Variants in METTL21A observed in about 807,000 individuals in gnomAD.
METTL21A encodes methyltransferase 21A, HSPA lysine, also known as protein N-lysine methyltransferase METTL21A.
Under a neutral mutation model 20.9 loss-of-function variants are expected in METTL21A, and 22 were observed. The ratio of observed to expected loss-of-function variants is 1.05; its 90% confidence interval spans 0.75 to 1.50. METTL21A has a LOEUF of 1.50. METTL21A is among the 40% of genes most tolerant of loss of function. The pLI is 0.00. For missense variants in METTL21A, 271 were observed against 266.8 expected (o/e 1.02, Z -0.11); for synonymous variants, 93 against 102.0 (o/e 0.91, Z 0.53).
At chr2:207,581,840 A>G (rs1239273342) in exon 4 of METTL21A, 1 of 702,734 alleles carries the variant, frequency 1.4e-6, no homozygotes, top group Non-Finnish European at 2.6e-6. Flanking sequence ...AGTCTCCTTC[A>G]GTCTGTGAAA....
At chr2:207,603,431 C>G in intron 3 of METTL21A, 1 of 224,792 alleles carries the variant, frequency 4.4e-6, no homozygotes, top group East Asian at 6.5e-5. Flanking sequence ...TTTAAAAACT[C>G]TGTAAGTCTC....
intron 3 of METTL21A, 56 bp downstream of exon 3, chr2:207,621,750 G>T: frequency 6.9e-7 from 1 of 1,457,310 alleles, no homozygotes; most frequent in South Asian, 1.1e-5. Flanking sequence ...TAAGAAAACA[G>T]CAAATGCACC....
chr2:207,623,433 G>C (rs2090736667), intron 2 of METTL21A, among the ~76,000 whole-genome samples: 1 of 152,214 alleles, frequency 6.6e-6, no homozygotes, highest in South Asian at 2.1e-4. Context: ...AGTCAGAACA[G>C]GGCAGGGAGA....
chr2:207,624,157 T>TA (rs1318341745), intron 2 of METTL21A, 72 bp downstream of exon 2: 35 of 1,476,436 alleles, frequency 2.4e-5, no homozygotes, highest in Middle Eastern at 1.8e-4. Context: ...AAAGCTGTTC[T>TA]AAAAAAAATA....
chr2:207,590,940 TA>T, intron 3 of METTL21A, among the ~76,000 whole-genome samples: 1 of 152,342 alleles, frequency 6.6e-6, no homozygotes, highest in Non-Finnish European at 1.5e-5. Context: ...GCATTCAGTT[TA>T]AAAATTTTTT....
chr2:207,618,710 A>C (rs2090098707), intron 3 of METTL21A, among the ~76,000 whole-genome samples: 1 of 152,050 alleles, frequency 6.6e-6, no homozygotes, highest in Non-Finnish European at 1.5e-5. Flanking sequence ...TCCATCTCAA[A>C]AACAACAACA....
At chr2:207,597,236 A>ACCG in intron 3 of METTL21A, 1 of 594,570 alleles carries the variant, frequency 1.7e-6, no homozygotes, top group Non-Finnish European at 2.7e-6. Context: ...TGAATGTTCC[A>ACCG]ACACCTGCCT....
intron 3 of METTL21A, chr2:207,600,115 A>G (rs964017958): frequency 3.8e-5 from 7 of 184,634 alleles, no homozygotes; most frequent in Non-Finnish European, 6.9e-5. Flanking sequence ...TTGCTATCAG[A>G]TACAATTTTA....
downstream of METTL21A, chr2:207,581,312 A>G (rs568580247): frequency 1.0e-5 from 2 of 197,470 alleles, no homozygotes; most frequent in South Asian, 3.8e-4. Context: ...TGTATTTGAT[A>G]TGAATTAAAA....
rs1348486058 is a variant in METTL21A at position 207,601,712 on chromosome 2, A to T, written c.260-19552T>A. ...AATATACTGAAATATGTTCATTTTT[A>T]ATGGCTTTGTTAACATCAAAGAAAT... On this transcript the variant is annotated intron_variant, in intron 3 of 3. Coordinates refer to the METTL21A transcript ENST00000425132. 4.2e-5 allele frequency: 9 copies of T among 213,868 alleles called. No individual in the cohort carries two copies. The Middle Eastern group carries it at 6.0e-3, about 142-fold the overall frequency. The allele number at this position is 213,868 out of a possible 1,614,324, so 13.2% of individuals were successfully genotyped here. A position where few individuals can be genotyped will look rare whatever the true frequency, so the allele number is the denominator to read the frequency against.
At position 207,588,536 on chromosome 2, in the gene METTL21A, C is replaced by T. The variant is rs115214900; in HGVS notation, c.260-6376G>A. Among the ~76,000 whole-genome samples, 231 of 152,052 alleles carry T rather than the reference C, an allele frequency of 1.5e-3. 1 individual carries two copies. Among genetic ancestry groups the T allele is most frequent in the East Asian group, 5.8e-3 (30 of 5,178 alleles). On this transcript the variant is annotated intron_variant, in intron 3 of 3. Coordinates refer to the METTL21A transcript ENST00000425132. ...GCACTTTAATGTATATTTTATAATC[C>T]GCTTGTTGATGTCTACGGAAAGTGT...
At chr2:207,582,905 ACAAAC>A (rs1292321606) in intron 3 of METTL21A, 1 of 291,868 alleles carries the variant, frequency 3.4e-6, no homozygotes. Context: ...AAACAAACAA[ACAAAC>A]AAAAAAAAAT....
intron 3 of METTL21A, among the ~76,000 whole-genome samples, chr2:207,589,278 C>T (rs2106636546): frequency 6.6e-6 from 1 of 152,292 alleles, no homozygotes; most frequent in Admixed American, 6.5e-5. Context: ...CCATTTCTAG[C>T]TTCTAGAGGC....
intron 2 of METTL21A, among the ~76,000 whole-genome samples, chr2:207,622,170 T>C (rs981851556): frequency 2.7e-5 from 4 of 149,260 alleles, no homozygotes; most frequent in South Asian, 2.2e-4. Flanking sequence ...AATTTTTTTT[T>C]TTTTTTTTTT....
chr2:207,605,795 AGTT>A (rs2087991626), downstream of METTL21A, among the ~76,000 whole-genome samples: 1 of 152,242 alleles, frequency 6.6e-6, no homozygotes, highest in South Asian at 2.1e-4. Context: ...GGTCTACACA[AGTT>A]GTATCTCCAG....
intron 3 of METTL21A, among the ~76,000 whole-genome samples, chr2:207,590,127 A>C (rs2084735519): frequency 8.1e-6 from 1 of 124,052 alleles, no homozygotes; most frequent in Non-Finnish European, 1.6e-5. Flanking sequence ...GGGATCATTC[A>C]GACTATTTCT....
intron 3 of METTL21A, chr2:207,582,777 C>A: frequency 4.4e-6 from 1 of 228,452 alleles, no homozygotes; most frequent in Non-Finnish European, 9.0e-6. Context: ...CTTGTAATCC[C>A]AGCTACTCAG....
intron 3 of METTL21A, among the ~76,000 whole-genome samples, chr2:207,593,050 A>G (rs910340703): frequency 2.0e-5 from 3 of 152,210 alleles, no homozygotes; most frequent in African/African-American, 4.8e-5. Context: ...TCTGTCTTCA[A>G]GTTCACTGAT....
At chr2:207,601,335 TCTC>T (rs2087017343) in intron 3 of METTL21A, 1 of 185,932 alleles carries the variant, frequency 5.4e-6, no homozygotes, top group Admixed American at 6.2e-5. Flanking sequence ...TTTTAGTCTT[TCTC>T]CTCTCTTCAA....
Sources: gnomAD v4.1 joint callset for allele counts (sites outside exome capture counted in the v4.1 genomes callset) on GRCh38, gnomAD v4.1.1 for gene constraint, MANE v1.5 for transcripts, NCBI Gene and HGNC (gene_info 2026-07-23, HGNC 2026-07-21) for gene names.